WAPL: variants seen among roughly 807,000 people sequenced by gnomAD.
WAPL encodes the protein WAPL cohesin release factor.
A neutral mutation model predicts 121.0 loss-of-function variants in WAPL; 5 were observed. The observed-to-expected ratio is 0.04, with a 90% CI of 0.02 to 0.09. The LOEUF (loss-of-function observed/expected upper bound fraction) is 0.09, where lower values mean the gene tolerates loss of function less well. WAPL is among the 10% of genes least tolerant of loss of function. WAPL has a pLI of 1.00. For synonymous variants in WAPL, 480 were observed against 481.5 expected, an observed-to-expected ratio of 1.00 and a Z score of 0.04; for missense variants, 999 against 1,410.8, an observed-to-expected ratio of 0.71 and a Z score of 4.68.
At chr10:86,437,756 T>C (rs1564557609) in intron 18 of WAPL, 148 bp from the exon 19 acceptor site, 9 of 1,045,206 alleles carry the variant, frequency 8.6e-6, no homozygotes, top group Non-Finnish European at 1.2e-5. Flanking sequence ...GATAAAGTTA[T>C]TTGCCATAAC....
Position 86,493,834 on chromosome 10 carries a change from T to G in WAPL, c.1644+3367A>C, listed in dbSNP as rs561280546. On this transcript the variant is annotated intron_variant, in intron 4 of 18. Coordinates refer to ENST00000298767, the MANE Select transcript of WAPL (RefSeq NM_015045.5). The stretch of plus-strand genomic sequence containing the variant: ...CTGGCCAACATGATGAGACCCTCCC[T>G]CTACTAAAAATACAAAAAATTAGCC... Among the ~76,000 whole-genome samples the G allele has an allele frequency of 1.0e-3, 152 of 152,144 alleles. 1 individual carries two copies. The highest frequency in any genetic ancestry group is 3.5e-3 in the African/African-American group (145 of 41,510).
intron 4 of WAPL, among the ~76,000 whole-genome samples, chr10:86,482,632 A>G (rs1184099722): frequency 6.6e-6 from 1 of 152,230 alleles, no homozygotes; most frequent in Admixed American, 6.5e-5. Flanking sequence ...AGTTTTCACA[A>G]AATGATGGGG....
rs1337614633 is a variant in WAPL, at chr10:86,517,595, T to C, written c.475A>G (p.Ser159Gly). The C allele has an allele frequency of 6.2e-7, 1 of 1,610,858 alleles. No individual in the cohort carries two copies. The highest frequency in any genetic ancestry group is 8.5e-7 in the Non-Finnish European group (1 of 1,177,846). Reference protein sequence around the residue: ...RIVEDDASISSCNKLITSDKV... With the variant: ...RIVEDDASISGCNKLITSDKV... ...CCTGAAGTTATTAATTTATTACAGC[T>C]ACTTATGCTTGCATCATCTTCTACA... The change falls in exon 2 of 19, where the codon AGC becomes GGC. Residue 159 changes from serine to glycine, a missense_variant. Ser to Gly is a moderately conservative substitution (Grantham distance 56). Around this residue, in one of 7 missense-constraint regions of WAPL, gnomAD observed 531 missense variants for 563.1 expected, o/e 0.94. Transcript: ENST00000298767.
intron 15 of WAPL, 90 bp downstream of exon 15, chr10:86,451,877 G>A: frequency 1.4e-6 from 2 of 1,458,028 alleles, no homozygotes; most frequent in Non-Finnish European, 1.9e-6. Flanking sequence ...GGATGGGCAA[G>A]AAAAGGAGGT....
chr10:86,467,621 T>A (rs1266640259), intron 8 of WAPL, 115 bp from the exon 9 acceptor site: 1 of 758,950 alleles, frequency 1.3e-6, no homozygotes, highest in Non-Finnish European at 2.0e-6. Context: ...AAAACTTATA[T>A]TACTAACCAT....
intron 1 of WAPL, among the ~76,000 whole-genome samples, chr10:86,520,329 T>C (rs1180110263): frequency 6.6e-6 from 1 of 152,166 alleles, no homozygotes; most frequent in African/African-American, 2.4e-5. Context: ...AATAATTTTG[T>C]GCCAAAAGAC....
intron 12 of WAPL, among the ~76,000 whole-genome samples, chr10:86,455,016 G>T (rs1344046751): frequency 8.1e-6 from 1 of 123,508 alleles, no homozygotes; most frequent in Non-Finnish European, 1.8e-5. Flanking sequence ...CCCCGTCCGG[G>T]AGGTGGGGGG....
At chr10:86,439,917 C>A (rs1407646346) in intron 17 of WAPL, among the ~76,000 whole-genome samples, 1 of 152,246 alleles carries the variant, frequency 6.6e-6, no homozygotes, top group Non-Finnish European at 1.5e-5. Flanking sequence ...TTTACTGCAA[C>A]AACCACATGC....
In WAPL at chr10:86,519,047, T is replaced by C. The variant is rs923987933; in HGVS notation, c.-22-956A>G. On this transcript the variant is annotated intron_variant, in intron 1 of 18. Transcript: ENST00000298767. ...CATATTACACTGTTTCATGGATTAA[T>C]ACAGACATAGAAACATACAACTTTT... Among the ~76,000 whole-genome samples the C allele has an allele frequency of 2.0e-5, 3 of 152,156 alleles. No homozygotes were observed. In the East Asian group the frequency reaches 5.8e-4, roughly 29 times the overall value.
intron 12 of WAPL, among the ~76,000 whole-genome samples, chr10:86,456,074 T>G (rs1841139020): frequency 6.6e-6 from 1 of 152,208 alleles, no homozygotes; most frequent in South Asian, 2.1e-4. Flanking sequence ...TAGAGTCTGA[T>G]GGACACTCAA....
At chr10:86,493,136 A>G (rs1352940372) in intron 4 of WAPL, among the ~76,000 whole-genome samples, 2 of 152,188 alleles carry the variant, frequency 1.3e-5, no homozygotes, top group Non-Finnish European at 2.9e-5. Context: ...AGAGAGACAT[A>G]ACTAAATGAT....
chr10:86,500,724 A>G lies in WAPL; in HGVS notation c.519T>C (p.His173=). The change falls in exon 3 of 19, where the codon CAT becomes CAC. Residue 173 remains histidine (H), a synonymous_variant. Transcript: ENST00000298767. ...GGTGACTATTCTTTTCATGTTCTTC[A>G]TGAAAATTCTCCACTTTATCTGTAA... ...LITSDKVENF[H]EEHEKNSHHI... 1 of 1,565,452 alleles carries G rather than the reference A, an allele frequency of 6.4e-7. No individual in the cohort carries two copies.
intron 4 of WAPL, among the ~76,000 whole-genome samples, chr10:86,478,357 AG>A (rs1450925637): frequency 3.3e-5 from 5 of 152,096 alleles, no homozygotes; most frequent in African/African-American, 9.7e-5. Flanking sequence ...TCCTGAGTCC[AG>A]GAAGTGGAGG....
At chr10:86,505,733 A>G (rs772534452) in intron 2 of WAPL, among the ~76,000 whole-genome samples, 2 of 152,220 alleles carry the variant, frequency 1.3e-5, no homozygotes, top group Non-Finnish European at 2.9e-5. Context: ...CATAAATACT[A>G]TAATCATTAG....
At chr10:86,453,109 A>G (rs1841038181) in intron 14 of WAPL, 111 bp downstream of exon 14, 2 of 543,854 alleles carry the variant, frequency 3.7e-6, no homozygotes, top group Non-Finnish European at 5.7e-6. Context: ...AATTCATGAA[A>G]AAAAACCCAC....
chr10:86,453,182 A>G lies in WAPL; in HGVS notation c.2949+38T>C. On this transcript the variant is annotated intron_variant, in intron 14 of 18. Coordinates refer to ENST00000298767, the MANE Select transcript of WAPL (RefSeq NM_015045.5). ...GTTAACATTTTGCACACCTTATTAG[A>G]TATGATACTCATTTCTGAAAAAGTC... The G allele has an allele frequency of 1.9e-6, 3 of 1,594,332 alleles. No homozygotes were observed. In the Middle Eastern group the frequency reaches 5.0e-4, roughly 265 times the overall value.
chr10:86,499,559 G>A (rs1842207225), intron 3 of WAPL, among the ~76,000 whole-genome samples, 159 bp downstream of exon 3: 1 of 152,086 alleles, frequency 6.6e-6, no homozygotes, highest in Non-Finnish European at 1.5e-5. Context: ...TTAACAATAC[G>A]CTATAATAAA....
At chr10:86,468,150 G>T (rs112484285) in intron 8 of WAPL, among the ~76,000 whole-genome samples, 1 of 152,152 alleles carries the variant, frequency 6.6e-6, no homozygotes, top group East Asian at 1.9e-4. Flanking sequence ...CATTTTTGCA[G>T]ATATGTGTGT....
At chr10:86,493,434 A>C (rs1024760075) in intron 4 of WAPL, among the ~76,000 whole-genome samples, 1 of 152,176 alleles carries the variant, frequency 6.6e-6, no homozygotes, top group African/African-American at 2.4e-5. Flanking sequence ...ATGTACAATT[A>C]TGGTTAAATG....
Sources: allele counts gnomAD v4.1 joint callset (sites outside exome capture counted in the v4.1 genomes callset), GRCh38; gene constraint gnomAD v4.1.1; regional missense constraint gnomAD v4.1.1; transcripts MANE v1.5; gene names NCBI Gene and HGNC (gene_info 2026-07-23, HGNC 2026-07-21).